The following TMEM117 variants were observed in gnomAD, a reference collection of about 807,000 sequenced individuals.
The protein encoded by TMEM117 is transmembrane protein 117.
TMEM117 carries 27 observed loss-of-function variants against 52.4 expected under a neutral mutation model. The ratio of observed to expected loss-of-function variants is 0.51; its 90% CI spans 0.38 to 0.71. The LOEUF (loss-of-function observed/expected upper bound fraction) is 0.71. TMEM117 is among the 30% of genes least tolerant of loss of function. The pLI is 0.00. For missense variants in TMEM117, 556 were observed against 630.5 expected, an observed-to-expected ratio of 0.88 and a Z score of 1.26; for synonymous variants, 215 against 206.3, an observed-to-expected ratio of 1.04 and a Z score of -0.36.
intron 2 of TMEM117, among the ~76,000 whole-genome samples, chr12:43,892,828 A>G (rs1210360883): frequency 6.6e-6 from 1 of 152,272 alleles, no homozygotes; most frequent in East Asian, 1.9e-4. Context: ...GTCAGATGGT[A>G]GTCAAGATTA....
At chr12:44,374,734 C>G (rs2138846378) in intron 6 of TMEM117, among the ~76,000 whole-genome samples, 1 of 149,322 alleles carries the variant, frequency 6.7e-6, no homozygotes, top group Non-Finnish European at 1.5e-5. Context: ...AATTTCATAC[C>G]CAATAGAAAA....
chr12:43,829,006 C>T, the TMEM117 span, among the ~76,000 whole-genome samples: 1 of 152,106 alleles, frequency 6.6e-6, no homozygotes, highest in Non-Finnish European at 1.5e-5. Flanking sequence ...AGGTTGGTCT[C>T]GAACTTCTGA....
At chr12:44,122,010 A>G (rs1173183724) in intron 3 of TMEM117, among the ~76,000 whole-genome samples, 3 of 149,910 alleles carry the variant, frequency 2.0e-5, no homozygotes, top group Non-Finnish European at 4.4e-5. Context: ...AGCTCCATCC[A>G]TGTTGCAGCA....
intron 3 of TMEM117, among the ~76,000 whole-genome samples, chr12:43,960,980 G>A (rs1945393298): frequency 1.3e-5 from 2 of 152,182 alleles, no homozygotes; most frequent in South Asian, 4.1e-4. Flanking sequence ...ATTTTATGTG[G>A]GAGGCAGTGT....
chr12:44,139,832 A>G (rs1400436472), intron 3 of TMEM117, among the ~76,000 whole-genome samples: 1 of 152,138 alleles, frequency 6.6e-6, no homozygotes, highest in African/African-American at 2.4e-5. Flanking sequence ...CTAGAGTCCA[A>G]TGTGATATTC....
chr12:43,859,926 G>A (rs1943461011), intron 2 of TMEM117, among the ~76,000 whole-genome samples: 1 of 152,036 alleles, frequency 6.6e-6, no homozygotes, highest in Non-Finnish European at 1.5e-5. Flanking sequence ...ACAAATGTGT[G>A]GTTCTGGTGG....
chr12:44,061,861 T>A (rs1225686792), intron 3 of TMEM117, among the ~76,000 whole-genome samples: 1 of 152,020 alleles, frequency 6.6e-6, no homozygotes, highest in Non-Finnish European at 1.5e-5. Context: ...AAAAGTGAGA[T>A]TAGATGGACT....
chr12:44,114,779 A>G (rs1948107714), intron 3 of TMEM117, among the ~76,000 whole-genome samples: 1 of 152,124 alleles, frequency 6.6e-6, no homozygotes. Context: ...GGGAGAACAC[A>G]TTATTCTTCT....
At chr12:44,363,123 C>G (rs1452374058) in intron 6 of TMEM117, among the ~76,000 whole-genome samples, 17 of 152,176 alleles carry the variant, frequency 1.1e-4, no homozygotes, top group Non-Finnish European at 2.5e-4. Context: ...TGCAAAAACA[C>G]TCATGGGACT....
intron 3 of TMEM117, among the ~76,000 whole-genome samples, chr12:44,031,687 A>C (rs1016387725): frequency 6.6e-6 from 1 of 152,222 alleles, no homozygotes; most frequent in Non-Finnish European, 1.5e-5. Context: ...GCAATTGAGT[A>C]AAGTATACTC....
chr12:44,159,898 G>C (rs936313375), intron 4 of TMEM117, among the ~76,000 whole-genome samples: 2 of 152,080 alleles, frequency 1.3e-5, no homozygotes, highest in African/African-American at 4.8e-5. Context: ...CAAAGTGCTG[G>C]TGTGGAAATG....
At chr12:44,075,926 A>G in intron 3 of TMEM117, among the ~76,000 whole-genome samples, 1 of 152,198 alleles carries the variant, frequency 6.6e-6, no homozygotes, top group East Asian at 1.9e-4. Flanking sequence ...TTGGGATAGC[A>G]TCAGTGCCAT....
intron 2 of TMEM117, among the ~76,000 whole-genome samples, chr12:43,886,804 G>GC (rs983887745): frequency 6.6e-6 from 1 of 151,978 alleles, no homozygotes; most frequent in Non-Finnish European, 1.5e-5. Context: ...CCCCAGAAAG[G>GC]CCCCAGTGTG....
chr12:44,098,521 G>A (rs1246089381), intron 3 of TMEM117, among the ~76,000 whole-genome samples: 1 of 152,022 alleles, frequency 6.6e-6, no homozygotes, highest in Non-Finnish European at 1.5e-5. Context: ...AAGCAAATAT[G>A]AGGGCTTTGG....
chr12:44,091,115 G>T (rs1947664519), intron 3 of TMEM117, among the ~76,000 whole-genome samples: 1 of 152,024 alleles, frequency 6.6e-6, no homozygotes, highest in South Asian at 2.1e-4. Context: ...ATGGTGGGAG[G>T]TGAAAGGCAC....
At position 43,844,870 on chromosome 12, in the gene TMEM117, A is replaced by C; in HGVS notation, c.219A>C (p.Leu73=). Residue 73 remains leucine, a synonymous_variant, in exon 2 of 8, where the codon CTA becomes CTC. Coordinates refer to ENST00000266534, the MANE Select transcript of TMEM117 (RefSeq NM_032256.3). ...GGATTTTGAAGGTGCTTCTATGGCT[A>C]CTTGCCATTCTCACAGGACTAATAG... The part of the protein sequence containing the change: ...GWRILKVLLW[L]LAILTGLIAG... 1 of 1,614,218 alleles carries C rather than the reference A, an allele frequency of 6.2e-7. No individual in the cohort carries two copies. The highest frequency in any genetic ancestry group is 1.1e-5 in the South Asian group (1 of 91,084).
chr12:44,120,412 T>C (rs995623599), intron 3 of TMEM117, among the ~76,000 whole-genome samples: 7 of 152,164 alleles, frequency 4.6e-5, no homozygotes, highest in African/African-American at 1.2e-4. Flanking sequence ...GTTCACCAGG[T>C]ACAGACTTGG....
rs564987737 is a variant in TMEM117, at chr12:44,165,131, C to G, written c.510+21507C>G. On this transcript the variant is annotated intron_variant, in intron 4 of 7. Transcript: ENST00000266534. ...CTGGTAAGCATCATTCTACTCTCTACCTTCATGAGATCAACTTTTTTAGCT... is the reference window on the plus strand; with the variant it reads ...CTGGTAAGCATCATTCTACTCTCTAGCTTCATGAGATCAACTTTTTTAGCT... Among the ~76,000 whole-genome samples, 14 of 152,254 alleles carry G rather than the reference C, an allele frequency of 9.2e-5. 1 individual carries two copies. The highest frequency in any genetic ancestry group is 8.5e-4 in the Admixed American group (13 of 15,288).
At chr12:44,054,940 A>T (rs1947031178) in intron 3 of TMEM117, among the ~76,000 whole-genome samples, 2 of 152,036 alleles carry the variant, frequency 1.3e-5, no homozygotes, top group Admixed American at 6.6e-5. Context: ...TCTTATTCTA[A>T]AAGAATGTCC....
Sources: allele counts gnomAD v4.1 joint callset (sites outside exome capture counted in the v4.1 genomes callset), GRCh38; gene constraint gnomAD v4.1.1; transcripts MANE v1.5; gene names NCBI Gene and HGNC (gene_info 2026-07-23, HGNC 2026-07-21).